Variants in GIPR observed in about 807,000 individuals in gnomAD.
GIPR encodes GIP-R.
Under a neutral mutation model 62.2 loss-of-function variants are expected in GIPR, and 74 were observed. The ratio of observed to expected loss-of-function variants is 1.19; its 90% CI spans 0.99 to 1.44. The LOEUF (loss-of-function observed/expected upper bound fraction) is 1.44, where lower values mean the gene tolerates loss of function less well. GIPR is among the 40% of genes most tolerant of loss of function. The probability of loss-of-function intolerance (pLI) is 0.00; values close to 1 mark genes in which losing one functional copy is unlikely to be tolerated. For synonymous variants in GIPR, 256 were observed against 262.2 expected (o/e 0.98, Z 0.23); for missense variants, 664 against 611.8 (o/e 1.09, Z -0.90).
At chr19:45,668,690 C>T (rs1412496397) in intron 1 of GIPR, among the ~76,000 whole-genome samples, 2 of 152,226 alleles carry the variant, frequency 1.3e-5, no homozygotes, top group Non-Finnish European at 2.9e-5. Context: ...TGAGGCTCGA[C>T]CTGAGATCCT....
intron 7 of GIPR, among the ~76,000 whole-genome samples, chr19:45,675,977 A>C (rs989780814): frequency 3.3e-5 from 5 of 152,098 alleles, no homozygotes; most frequent in African/African-American, 1.2e-4. Context: ...AGGACGAGGA[A>C]GGCAGGACAC....
At chr19:45,674,586 G>A in intron 6 of GIPR, 96 bp from the exon 7 acceptor site, 2 of 1,094,260 alleles carry the variant, frequency 1.8e-6, no homozygotes, top group Non-Finnish European at 2.8e-6. Flanking sequence ...TAGCCTGGGT[G>A]ACAGAGTGAG....
rs1975427515 is a variant in GIPR at position 45,669,554 on chromosome 19, C to G, written c.34C>G (p.Arg12Gly). 4.4e-6 allele frequency: 7 copies of G among 1,582,116 alleles called. No homozygotes were observed. The highest frequency in any genetic ancestry group is 6.0e-6 in the Non-Finnish European group (7 of 1,167,048). Residue 12 changes from arginine (R) to glycine (G), a missense_variant, in exon 2 of 14, where the codon CGG becomes GGG. Physicochemically the swap from Arg to Gly is moderately radical, Grantham distance 125 (BLOSUM62 -2). Coordinates refer to ENST00000590918, the MANE Select transcript of GIPR (RefSeq NM_000164.4). Reference sequence around the variant, plus strand: ...CTCTCCGATCCTGCAGCTGCTGCTGCGGCTCTCACTGTGCGGGCTGCTGCT... The same window carrying G: ...CTCTCCGATCCTGCAGCTGCTGCTGGGGCTCTCACTGTGCGGGCTGCTGCT... Reference protein sequence around the residue: ...TTSPILQLLLRLSLCGLLLQR... With the variant: ...TTSPILQLLLGLSLCGLLLQR...
rs1967051407 is a variant in GIPR at position 45,678,095 on chromosome 19, C to CGCTCCACGCTGACGCTGGTGCCCCT, written c.1025_1049dup (p.Gly351HisfsTer35). On this transcript the variant is annotated frameshift_variant, in exon 12 of 14. Transcript: ENST00000590918. LOFTEE classifies it high-confidence loss of function. ...GCCGCCCTCTCTCCCCAGGCTGGCT[C>CGCTCCACGCTGACGCTGGTGCCCCT]GCTCCACGCTGACGCTGGTGCCCCT... 1 of 1,612,286 alleles carries CGCTCCACGCTGACGCTGGTGCCCCT rather than the reference C, an allele frequency of 6.2e-7. No individual in the cohort carries two copies. The highest frequency in any genetic ancestry group is 1.1e-5 in the South Asian group (1 of 91,048).
At chr19:45,677,867 TG>T (rs1451385911) in intron 10 of GIPR, 38 bp from the exon 11 acceptor site, 1 of 1,606,182 alleles carries the variant, frequency 6.2e-7, no homozygotes, top group Non-Finnish European at 8.5e-7. Flanking sequence ...CCCTTCAGAA[TG>T]GGATCGCGGC....
chr19:45,677,162 C>G lies in GIPR; in HGVS notation c.793+54C>G, dbSNP rs575096601. The G allele has an allele frequency of 1.8e-5, 29 of 1,583,770 alleles. No individual in the cohort carries two copies. The East Asian group carries it at 5.6e-4, about 31-fold the overall frequency. ...CCCAGCGCGCCTCTCCTCGGCTCCC[C>G]CAACTGCCCTGCTGGTTGGCCTCTG... On this transcript the variant is annotated intron_variant, in intron 8 of 13. Coordinates refer to ENST00000590918, the MANE Select transcript of GIPR (RefSeq NM_000164.4).
chr19:45,677,069 G>C lies in GIPR; in HGVS notation c.754G>C (p.Glu252Gln). The change falls in exon 8 of 14, where the codon GAG becomes CAG. Residue 252 changes from glutamate (E) to glutamine (Q), a missense_variant. Transcript: ENST00000590918. ...HSLLVLVGGS[E>Q]EGHFRYYLLL... Reference sequence around the variant, plus strand: ...TCTCCTGGTGCTCGTGGGAGGCTCCGAGGAGGGCCACTTCCGCTACTACCT... The same window carrying C: ...TCTCCTGGTGCTCGTGGGAGGCTCCCAGGAGGGCCACTTCCGCTACTACCT... 1.2e-6 allele frequency: 2 copies of C among 1,614,026 alleles called. No individual in the cohort carries two copies.
At chr19:45,668,650 T>G (rs1489470761) in intron 1 of GIPR, among the ~76,000 whole-genome samples, 1 of 152,202 alleles carries the variant, frequency 6.6e-6, no homozygotes, top group Admixed American at 6.6e-5. Context: ...TTTCTGTCTC[T>G]TGTGTCTGTG....
chr19:45,676,890 A>C, intron 7 of GIPR, 59 bp from the exon 8 acceptor site: 1 of 1,498,888 alleles, frequency 6.7e-7, no homozygotes, highest in Middle Eastern at 1.7e-4. Context: ...AAGCTGGGGG[A>C]GACTGGGAGA....
chr19:45,677,251 T>TG (rs1966987283), intron 8 of GIPR, 72 bp from the exon 9 acceptor site: 1 of 1,342,888 alleles, frequency 7.4e-7, no homozygotes, highest in Non-Finnish European at 1.0e-6. Context: ...CCGCGGGTCT[T>TG]GGGCCTGGCG....
rs181215170 is a variant in GIPR, at chr19:45,680,070, A to G, written c.1153-1534A>G. On this transcript the variant is annotated intron_variant, in intron 12 of 13. Transcript: ENST00000590918. ...CAGGTGTGAGCCACCGCGCCTGGCC[A>G]AGATCCTCATCTCTACCAAAAATAA... 2.0e-5 allele frequency among the ~76,000 whole-genome samples: 3 copies of G among 152,136 alleles called. No individual in the cohort carries two copies. In the East Asian group the frequency reaches 5.8e-4, roughly 29 times the overall value.
chr19:45,670,821 A>G (rs1975496212), intron 3 of GIPR, 87 bp downstream of exon 3: 2 of 819,668 alleles, frequency 2.4e-6, no homozygotes, highest in African/African-American at 1.7e-5. Flanking sequence ...CGGGCGGGGA[A>G]GAAATCTCGG....
chr19:45,678,466 C>T (rs1336127462), intron 12 of GIPR: 1 of 569,584 alleles, frequency 1.8e-6, no homozygotes, highest in Non-Finnish European at 3.1e-6. Flanking sequence ...CGGGTTCAAG[C>T]GATTCTCCTG....
intron 12 of GIPR, among the ~76,000 whole-genome samples, chr19:45,680,123 A>G (rs959049717): frequency 6.6e-6 from 1 of 152,168 alleles, no homozygotes; most frequent in Non-Finnish European, 1.5e-5. Context: ...GCGGTGCCTC[A>G]TGTCTGTAAT....
chr19:45,675,269 A>G (rs757197218), intron 7 of GIPR: 1 of 202,788 alleles, frequency 4.9e-6, no homozygotes, highest in Non-Finnish European at 1.0e-5. Context: ...AAGTTGGACC[A>G]TACCAATTGT....
At chr19:45,669,190 A>C (rs2146060377) in intron 1 of GIPR, among the ~76,000 whole-genome samples, 1 of 152,166 alleles carries the variant, frequency 6.6e-6, no homozygotes, top group South Asian at 2.1e-4. Flanking sequence ...CCGCCCGCTC[A>C]GCAAACACCC....
intron 2 of GIPR, chr19:45,670,310 G>A (rs373005584): frequency 3.7e-4 from 96 of 260,332 alleles, no homozygotes; most frequent in Middle Eastern, 2.7e-3. Flanking sequence ...GGGATTACAG[G>A]CGTGAGCCAC....
chr19:45,674,239 A>C, intron 6 of GIPR, 62 bp downstream of exon 6: 1 of 1,047,846 alleles, frequency 9.5e-7, no homozygotes, highest in Middle Eastern at 2.0e-4. Flanking sequence ...TTTGTCCAGT[A>C]AGATGGGGTG....
chr19:45,671,449 G>GCC, intron 4 of GIPR, 57 bp downstream of exon 4: 1 of 1,067,132 alleles, frequency 9.4e-7, no homozygotes, highest in Non-Finnish European at 1.4e-6. Context: ...GCTAACCTTT[G>GCC]CCCCCAGACA....
Sources: gnomAD v4.1 joint callset for allele counts (sites outside exome capture counted in the v4.1 genomes callset) on GRCh38, gnomAD v4.1.1 for gene constraint, MANE v1.5 for transcripts, NCBI Gene and HGNC (gene_info 2026-07-23, HGNC 2026-07-21) for gene names.